PDE10A: variants seen among roughly 807,000 people sequenced by gnomAD.
PDE10A encodes the protein cAMP and cAMP-inhibited cGMP 3',5'-cyclic phosphodiesterase 10A.
In PDE10A, 39 loss-of-function variants were observed where a neutral mutation model predicts 97.7. That is an observed-to-expected ratio of 0.40 (90% CI 0.31 to 0.52). The LOEUF is 0.52. Among genes scored for constraint, PDE10A ranks in the 20% least tolerant of loss-of-function variants. The pLI, the probability that PDE10A is intolerant of heterozygous loss-of-function variation, is 0.56. For missense variants in PDE10A, 731 were observed against 1,047.8 expected (o/e 0.70, Z 4.17); for synonymous variants, 371 against 376.8 (o/e 0.98, Z 0.18).
At chr6:165,365,920 T>G (rs1381252680) in intron 18 of PDE10A, among the ~76,000 whole-genome samples, 1 of 152,062 alleles carries the variant, frequency 6.6e-6, no homozygotes, top group African/African-American at 2.4e-5. Flanking sequence ...AATTAATAGA[T>G]TACATGCAAA....
intron 2 of PDE10A, among the ~76,000 whole-genome samples, chr6:165,505,003 C>T (rs1436423163): frequency 1.3e-5 from 2 of 152,124 alleles, no homozygotes; most frequent in Non-Finnish European, 2.9e-5. Context: ...AGATTGCTGT[C>T]GCCTGAGCTT....
intron 1 of PDE10A, among the ~76,000 whole-genome samples, chr6:165,583,400 C>T (rs1257212168): frequency 1.3e-5 from 2 of 152,180 alleles, no homozygotes; most frequent in Non-Finnish European, 2.9e-5. Context: ...CCAAAAGATA[C>T]CCACATCCAA....
At chr6:165,619,412 G>GTGTAC (rs1206186178) in intron 1 of PDE10A, among the ~76,000 whole-genome samples, 3 of 119,118 alleles carry the variant, frequency 2.5e-5, no homozygotes, top group Non-Finnish European at 1.7e-5. Flanking sequence ...GTGTAGTCTA[G>GTGTAC]TGTAGTGTAG....
chr6:165,366,929 T>A (rs1285973887), intron 18 of PDE10A, among the ~76,000 whole-genome samples: 1 of 152,178 alleles, frequency 6.6e-6, no homozygotes, highest in African/African-American at 2.4e-5. Flanking sequence ...TAATGGAGCT[T>A]GTTGCCCATT....
chr6:165,545,182 C>A (rs746050590), intron 1 of PDE10A: 1 of 505,444 alleles, frequency 2.0e-6, no homozygotes. Context: ...CTATAGAATT[C>A]TTATCCTAAC....
intron 1 of PDE10A, among the ~76,000 whole-genome samples, chr6:165,938,991 T>C (rs1488413401): frequency 6.6e-6 from 1 of 152,212 alleles, no homozygotes; most frequent in Non-Finnish European, 1.5e-5. Flanking sequence ...TGTCCATCAA[T>C]AGGAGAATGG....
intron 3 of PDE10A, among the ~76,000 whole-genome samples, chr6:165,474,971 C>G (rs1779215263): frequency 1.3e-5 from 2 of 151,984 alleles, no homozygotes; most frequent in Admixed American, 1.3e-4. Context: ...CATCAAACAA[C>G]AGGAAAATTA....
intron 1 of PDE10A, among the ~76,000 whole-genome samples, chr6:165,676,914 C>T (rs891004995): frequency 6.6e-6 from 1 of 152,238 alleles, no homozygotes; most frequent in Admixed American, 6.5e-5. Context: ...GCTGGGGCCT[C>T]CAGGGCCAGC....
intron 2 of PDE10A, among the ~76,000 whole-genome samples, chr6:165,495,964 G>C (rs1780511979): frequency 6.6e-6 from 1 of 151,946 alleles, no homozygotes; most frequent in Non-Finnish European, 1.5e-5. Context: ...CATACAGCGA[G>C]TTGGAAATGC....
intron 1 of PDE10A, chr6:165,780,261 T>C (rs1778308044): frequency 6.6e-6 from 1 of 152,208 alleles, no homozygotes; most frequent in South Asian, 2.1e-4. Flanking sequence ...AGGCCAGTCA[T>C]TTTCTTTCAA....
chr6:165,496,832 TTGTC>T (rs1424922758), intron 2 of PDE10A, among the ~76,000 whole-genome samples: 3 of 152,236 alleles, frequency 2.0e-5, no homozygotes, highest in African/African-American at 7.2e-5. Flanking sequence ...TAAAATCTCT[TTGTC>T]TAACTATTAA....
chr6:165,491,821 C>T (rs1780243851), intron 2 of PDE10A, among the ~76,000 whole-genome samples: 1 of 151,772 alleles, frequency 6.6e-6, no homozygotes, highest in Non-Finnish European at 1.5e-5. Flanking sequence ...AAGAACAAAA[C>T]AAACCCAAAC....
chr6:165,562,369 T>G (rs887800186), intron 1 of PDE10A, among the ~76,000 whole-genome samples: 2 of 152,148 alleles, frequency 1.3e-5, no homozygotes, highest in Non-Finnish European at 2.9e-5. Flanking sequence ...TTCCAACTAT[T>G]TTACATGAAA....
At chr6:165,932,063 G>A (rs1457974241) in intron 1 of PDE10A, among the ~76,000 whole-genome samples, 1 of 152,096 alleles carries the variant, frequency 6.6e-6, no homozygotes, top group African/African-American at 2.4e-5. Flanking sequence ...AAACCATCAA[G>A]CTAGTGCCGG....
intron 2 of PDE10A, among the ~76,000 whole-genome samples, chr6:165,514,210 A>G (rs1195153394): frequency 6.6e-6 from 1 of 152,194 alleles, no homozygotes; most frequent in East Asian, 1.9e-4. Context: ...GGATTATTGC[A>G]TTTATGTTCA....
At chr6:165,464,502 T>TA (rs2128262910) in intron 3 of PDE10A, among the ~76,000 whole-genome samples, 1 of 152,342 alleles carries the variant, frequency 6.6e-6, no homozygotes, top group African/African-American at 2.4e-5. Flanking sequence ...GTAAATGTAT[T>TA]AACTAGATGT....
intron 1 of PDE10A, among the ~76,000 whole-genome samples, chr6:165,796,805 C>T (rs1778843271): frequency 6.6e-6 from 1 of 152,168 alleles, no homozygotes; most frequent in African/African-American, 2.4e-5. Flanking sequence ...TAAAGCCTCA[C>T]ACCAGCCCCA....
At chr6:165,832,174 T>C (rs545371019) in intron 1 of PDE10A, among the ~76,000 whole-genome samples, 53 of 152,240 alleles carry the variant, frequency 3.5e-4, no homozygotes, top group African/African-American at 1.2e-3. Flanking sequence ...ATATATAACT[T>C]ATATGTATGT....
intron 3 of PDE10A, among the ~76,000 whole-genome samples, chr6:165,454,638 G>A (rs1320991070): frequency 1.3e-5 from 2 of 152,092 alleles, no homozygotes; most frequent in Non-Finnish European, 2.9e-5. Context: ...GGATGATGCA[G>A]CAGGAAGGTC....
Sources: allele counts gnomAD v4.1 joint callset (sites outside exome capture counted in the v4.1 genomes callset), GRCh38; gene constraint gnomAD v4.1.1; transcripts MANE v1.5; gene names NCBI Gene and HGNC (gene_info 2026-07-23, HGNC 2026-07-21).